The following CRPPA variants were observed in gnomAD, a reference collection of about 807,000 sequenced individuals.
CRPPA encodes D-ribitol-5-phosphate cytidylyltransferase.
In CRPPA, 43 loss-of-function variants were observed where a neutral mutation model predicts 52.0. The observed-to-expected ratio is 0.83, with a 90% CI of 0.65 to 1.07. The LOEUF is 1.07. CRPPA is among the 50% of genes least tolerant of loss of function. The probability of loss-of-function intolerance (pLI) is 0.00; values close to 1 mark genes in which losing one functional copy is unlikely to be tolerated. For synonymous variants in CRPPA, 250 were observed against 203.5 expected (o/e 1.23, Z -1.94); for missense variants, 629 against 551.7 (o/e 1.14, Z -1.40).
At chr7:16,359,500 T>C (rs1427755684) in intron 3 of CRPPA, among the ~76,000 whole-genome samples, 1 of 152,228 alleles carries the variant, frequency 6.6e-6, no homozygotes, top group African/African-American at 2.4e-5. Context: ...CTGTCTGTTA[T>C]GTCTAATTCT....
At chr7:16,235,561 T>G (rs1782926842) in intron 8 of CRPPA, among the ~76,000 whole-genome samples, 1 of 152,048 alleles carries the variant, frequency 6.6e-6, no homozygotes, top group African/African-American at 2.4e-5. Context: ...TGCTTTGACA[T>G]GAAAACAGCA....
rs1186933248 is a variant in CRPPA, at chr7:16,090,780, T to C, written c.*915A>G. ...TGTATAGATTAAAAGTCACCTCTAA[T>C]GAATTAAAGGACACCCATAATTATA... On this transcript the variant is annotated 3_prime_UTR_variant, in exon 10 of 10. Transcript: ENST00000407010. 2.6e-5 allele frequency: 4 copies of C among 152,058 alleles called. No individual in the cohort carries two copies. Among genetic ancestry groups the C allele is most frequent in the East Asian group, 1.9e-4 (1 of 5,192 alleles). 9.4% of individuals were successfully genotyped at this position (152,058 alleles called of 1,614,324 possible).
chr7:16,320,810 A>G (rs1398148710), intron 3 of CRPPA, among the ~76,000 whole-genome samples: 3 of 152,082 alleles, frequency 2.0e-5, no homozygotes, highest in Non-Finnish European at 4.4e-5. Flanking sequence ...GTATTTTGGG[A>G]TTTCATGAGA....
chr7:16,211,825 T>C (rs1782152527), intron 9 of CRPPA, among the ~76,000 whole-genome samples: 1 of 152,186 alleles, frequency 6.6e-6, no homozygotes, highest in South Asian at 2.1e-4. Context: ...CAATCAAGAA[T>C]GTTTCTTGGA....
intron 9 of CRPPA, among the ~76,000 whole-genome samples, chr7:16,119,018 CACTT>C (rs1329839665): frequency 1.3e-5 from 2 of 152,094 alleles, no homozygotes; most frequent in African/African-American, 4.8e-5. Context: ...CCCATTCACT[CACTT>C]GTTTTGCCCG....
At chr7:16,277,634 T>C (rs1387244259) in intron 6 of CRPPA, among the ~76,000 whole-genome samples, 1 of 152,224 alleles carries the variant, frequency 6.6e-6, no homozygotes, top group Non-Finnish European at 1.5e-5. Context: ...CTCACACTTA[T>C]TGCATCTTCT....
chr7:16,188,959 A>G (rs1028812398), intron 9 of CRPPA, among the ~76,000 whole-genome samples: 2 of 152,168 alleles, frequency 1.3e-5, no homozygotes, highest in Admixed American at 1.3e-4. Flanking sequence ...TAGTCAGAAT[A>G]ATTGAAAATA....
At chr7:16,327,221 A>G (rs537359178) in intron 3 of CRPPA, among the ~76,000 whole-genome samples, 1 of 152,184 alleles carries the variant, frequency 6.6e-6, no homozygotes, top group Admixed American at 6.5e-5. Flanking sequence ...TTCAAGTAGA[A>G]CTCAACCTTA....
intron 9 of CRPPA, among the ~76,000 whole-genome samples, chr7:16,161,832 G>T (rs1780897368): frequency 6.6e-6 from 1 of 152,212 alleles, no homozygotes; most frequent in Non-Finnish European, 1.5e-5. Context: ...TTTTTGGTTG[G>T]TAGGCTATTA....
At chr7:16,404,937 T>C (rs1787915987) in intron 2 of CRPPA, among the ~76,000 whole-genome samples, 1 of 152,190 alleles carries the variant, frequency 6.6e-6, no homozygotes, top group Non-Finnish European at 1.5e-5. Flanking sequence ...TAAAGGCAAA[T>C]CAAAATATTT....
intron 9 of CRPPA, among the ~76,000 whole-genome samples, chr7:16,108,968 A>C (rs116822904): frequency 2.4e-4 from 37 of 151,984 alleles, no homozygotes; most frequent in African/African-American, 8.9e-4. Context: ...AAATGCCTAC[A>C]TCAAAAAAAG....
At chr7:16,205,286 G>C (rs1392801654) in intron 9 of CRPPA, among the ~76,000 whole-genome samples, 1 of 152,104 alleles carries the variant, frequency 6.6e-6, no homozygotes, top group African/African-American at 2.4e-5. Flanking sequence ...ACTTGAGAAA[G>C]TTACTGGTGA....
At chr7:16,322,044 A>G (rs564817245) in intron 3 of CRPPA, among the ~76,000 whole-genome samples, 16 of 152,286 alleles carry the variant, frequency 1.1e-4, no homozygotes, top group South Asian at 4.1e-4. Flanking sequence ...TGACACCTCA[A>G]TTTTGGACTT....
At chr7:16,126,284 T>C (rs1037392968) in intron 9 of CRPPA, among the ~76,000 whole-genome samples, 10 of 152,132 alleles carry the variant, frequency 6.6e-5, no homozygotes, top group African/African-American at 2.4e-4. Context: ...GTGGGCACTT[T>C]GTCCAGAGAA....
intron 3 of CRPPA, among the ~76,000 whole-genome samples, chr7:16,319,020 A>G: frequency 6.6e-6 from 1 of 152,134 alleles, no homozygotes; most frequent in East Asian, 1.9e-4. Flanking sequence ...TCATCTCAAT[A>G]TACCCTAACA....
At chr7:16,181,215 T>G (rs1286403831) in intron 9 of CRPPA, among the ~76,000 whole-genome samples, 1 of 151,914 alleles carries the variant, frequency 6.6e-6, no homozygotes, top group Non-Finnish European at 1.5e-5. Context: ...CACTGGAATG[T>G]GATACAATGT....
chr7:16,293,186 T>C (rs1286010347), intron 5 of CRPPA, among the ~76,000 whole-genome samples: 1 of 151,938 alleles, frequency 6.6e-6, no homozygotes, highest in Non-Finnish European at 1.5e-5. Flanking sequence ...TCGAGAAATC[T>C]GTCTCCAATT....
intron 8 of CRPPA, among the ~76,000 whole-genome samples, chr7:16,219,133 G>A (rs1483577852): frequency 6.6e-6 from 1 of 151,892 alleles, no homozygotes; most frequent in Non-Finnish European, 1.5e-5. Context: ...TCAGGATTAA[G>A]AATCTCACTC....
Position 16,406,330 on chromosome 7 carries a change from A to T in CRPPA, c.265T>A (p.Trp89Arg). The T allele has an allele frequency of 6.2e-7, 1 of 1,612,448 alleles. No homozygotes were observed. The highest frequency in any genetic ancestry group is 8.5e-7 in the Non-Finnish European group (1 of 1,178,650). ...ACTGCCACAACAATGTCCTTTATCC[A>T]ACATACTCTAAAAGGAAAGTATATG... ...YTLQALERVC[W>R]IKDIVVAVTG... The change falls in exon 2 of 10, where the codon TGG becomes AGG. Residue 89 changes from tryptophan (W) to arginine (R), a missense_variant. Physicochemically the swap from Trp to Arg is moderately radical, Grantham distance 101 (BLOSUM62 -3). Transcript: ENST00000407010.
Sources: gnomAD v4.1 joint callset for allele counts (sites outside exome capture counted in the v4.1 genomes callset) on GRCh38, gnomAD v4.1.1 for gene constraint, MANE v1.5 for transcripts, NCBI Gene and HGNC (gene_info 2026-07-23, HGNC 2026-07-21) for gene names.